CACNA1A: variants seen among roughly 807,000 people sequenced by gnomAD.
The protein encoded by CACNA1A is calcium voltage-gated channel subunit alpha1 A, also known as voltage-dependent P/Q-type calcium channel subunit alpha-1A.
CACNA1A carries 57 observed loss-of-function variants against 262.4 expected under a neutral mutation model. The observed-to-expected ratio is 0.22, with a 90% CI of 0.18 to 0.27. The LOEUF (loss-of-function observed/expected upper bound fraction) is 0.27. CACNA1A is among the 10% of genes least tolerant of loss of function. CACNA1A has a pLI of 1.00. For synonymous variants in CACNA1A, 1,431 were observed against 1,419.3 expected, an observed-to-expected ratio of 1.01 and a Z score of -0.18; for missense variants, 2,526 against 3,562.8, an observed-to-expected ratio of 0.71 and a Z score of 7.41.
intron 6 of CACNA1A, among the ~76,000 whole-genome samples, chr19:13,354,694 C>T (rs1396418667): frequency 1.3e-5 from 2 of 152,106 alleles, no homozygotes; most frequent in African/African-American, 4.8e-5. Context: ...TGTTTAAGTC[C>T]TAACCCCCTG....
At position 13,207,182 on chromosome 19, in the gene CACNA1A, A is replaced by G. The variant is rs1419926644; in HGVS notation, c.*131T>C. 9.9e-7 allele frequency: 1 copy of G among 1,011,110 alleles called. No homozygotes were observed. Among genetic ancestry groups the G allele is most frequent in the Non-Finnish European group, 1.3e-6 (1 of 742,714 alleles). The allele number at this position is 1,011,110 out of a possible 1,614,324, so 62.6% of individuals were successfully genotyped here. The stretch of plus-strand genomic sequence containing the variant: ...TGTGGCCCAGCCCTGGCCTCTCCAG[A>G]GTCTGGGGTCTCCCGGCTGGCCCTC... On this transcript the variant is annotated 3_prime_UTR_variant, in exon 47 of 47. Coordinates refer to ENST00000360228, the MANE Select transcript of CACNA1A (RefSeq NM_001127222.2). The surrounding 1 kb of genome is among the most constrained non-coding windows in gnomAD (Gnocchi z 5.7).
intron 3 of CACNA1A, among the ~76,000 whole-genome samples, chr19:13,430,541 CA>C (rs749067392): frequency 2.0e-5 from 3 of 152,138 alleles, no homozygotes; most frequent in African/African-American, 4.8e-5. Context: ...AGCACATGGA[CA>C]GGGGGTGAGG....
chr19:13,299,080 C>T lies in CACNA1A; in HGVS notation c.2553G>A (p.Gln851=), dbSNP rs1222649321. The stretch of plus-strand genomic sequence containing the variant: ...TCCTGAGGAAGTCCTCGGCGCGCTG[C>T]TGGCCGAGGCGCTGGTCCACGGTGG... ...AEPTVDQRLG[Q]QRAEDFLRKQ... The change falls in exon 19 of 47, where the codon CAG becomes CAA. Residue 851 remains glutamine, a synonymous_variant. Transcript: ENST00000360228. The T allele has an allele frequency of 6.2e-7, 1 of 1,610,114 alleles. No homozygotes were observed. The highest frequency in any genetic ancestry group is 8.5e-7 in the Non-Finnish European group (1 of 1,179,404).
chr19:13,286,675 G>T lies in CACNA1A; in HGVS notation c.3381C>A (p.Asn1127Lys). The T allele has an allele frequency of 6.4e-7, 1 of 1,567,224 alleles. No homozygotes were observed. The change falls in exon 20 of 47, where the codon AAC becomes AAA. Residue 1127 changes from asparagine to lysine, a missense_variant. Coordinates refer to ENST00000360228, the MANE Select transcript of CACNA1A (RefSeq NM_001127222.2). ...GGCCGGGATTGGATGGGTTCCCCGG[G>T]TTGTTGGGCGTCCGGCGGCTGGCGG... is the stretch of plus-strand genomic sequence containing the variant. ...QNAASRRTPNNPGNPSNPGPP... is the reference protein window; with the variant it reads ...QNAASRRTPNKPGNPSNPGPP...
chr19:13,483,562 G>A (rs929823538), intron 1 of CACNA1A, among the ~76,000 whole-genome samples: 1 of 152,140 alleles, frequency 6.6e-6, no homozygotes, highest in African/African-American at 2.4e-5. Context: ...GAAAGCATTT[G>A]CTGAAAATTC....
rs760553643 is a variant in CACNA1A at position 13,235,053 on chromosome 19, TGA to T, written c.5134-19_5134-18del. On this transcript the variant is annotated intron_variant, in intron 33 of 46. Transcript: ENST00000360228. ...ACCAAACACCTGTGGAATTGGAGGG[TGA>T]CGACCAGGGGCTGCCATTCCTCCAG... 2 of 1,590,450 alleles carry T rather than the reference TGA, an allele frequency of 1.3e-6. No individual in the cohort carries two copies. Among genetic ancestry groups the T allele is most frequent in the East Asian group, 4.5e-5 (2 of 44,738 alleles).
chr19:13,308,627 C>T lies in CACNA1A; in HGVS notation c.1669-99G>A. On this transcript the variant is annotated intron_variant, in intron 12 of 46. Coordinates refer to ENST00000360228, the MANE Select transcript of CACNA1A (RefSeq NM_001127222.2). This position sits in a 1 kb window ranked among gnomAD's most constrained non-coding sequence, Gnocchi z 4.2. ...CCAACCTTGCAAGAACTCAACCAAA[C>T]TCCTCCCTCCAAATGGAAGCCGGGT... 3.0e-6 allele frequency: 2 copies of T among 668,626 alleles called. No homozygotes were observed. The highest frequency in any genetic ancestry group is 5.4e-5 in the East Asian group (2 of 36,698). The allele number at this position is 668,626 out of a possible 1,614,324, so 41.4% of individuals were successfully genotyped here. A position where few individuals can be genotyped will look rare whatever the true frequency, so the allele number is the denominator to read the frequency against.
chr19:13,460,248 T>C (rs1469299833), intron 1 of CACNA1A, among the ~76,000 whole-genome samples: 1 of 152,150 alleles, frequency 6.6e-6, no homozygotes, highest in Non-Finnish European at 1.5e-5. Flanking sequence ...GGGATTTGTG[T>C]GCACCGGGAA....
At chr19:13,231,421 A>C (rs2055662701) in intron 35 of CACNA1A, among the ~76,000 whole-genome samples, 1 of 151,838 alleles carries the variant, frequency 6.6e-6, no homozygotes, top group Non-Finnish European at 1.5e-5. Flanking sequence ...TTTGGTTGTC[A>C]CAACAGGAGG....
intron 23 of CACNA1A, among the ~76,000 whole-genome samples, chr19:13,276,372 C>G (rs541923467): frequency 2.0e-5 from 3 of 152,236 alleles, no homozygotes; most frequent in African/African-American, 7.2e-5. Flanking sequence ...ATCACCTGCT[C>G]ACAGGTCCTC....
intron 1 of CACNA1A, among the ~76,000 whole-genome samples, chr19:13,487,052 G>A (rs1200383228): frequency 2.6e-5 from 4 of 152,198 alleles, no homozygotes; most frequent in African/African-American, 9.7e-5. Flanking sequence ...TCAGTGGCAC[G>A]GACGCCTGCC....
chr19:13,283,691 C>T (rs993123597), intron 21 of CACNA1A: 4 of 267,604 alleles, frequency 1.5e-5, no homozygotes, highest in Admixed American at 9.5e-5. Flanking sequence ...TGAAGAAATA[C>T]GGTCCTTAAT....
At position 13,235,254 on chromosome 19, in the gene CACNA1A, C is replaced by T. The variant is rs767743815; in HGVS notation, c.5088G>A (p.Leu1696=). ...AGATGAAGAAGAGCATGGCGATCAG[C>T]AGACAGACATAAGGCAGGGCCTGGT... ...QSFKALPYVC[L]LIAMLFFIYA... Residue 1696 remains leucine (L), a synonymous_variant, in exon 33 of 47, where the codon CTG becomes CTA. Coordinates refer to ENST00000360228, the MANE Select transcript of CACNA1A (RefSeq NM_001127222.2). 1.3e-5 allele frequency: 21 copies of T among 1,598,328 alleles called. No homozygotes were observed. The highest frequency in any genetic ancestry group is 1.7e-5 in the Non-Finnish European group (20 of 1,172,596).
chr19:13,497,520 AAATATATATATATATATATATATAT>A (rs1981781071), intron 1 of CACNA1A, among the ~76,000 whole-genome samples: 6 of 15,490 alleles, frequency 3.9e-4, no homozygotes, highest in Non-Finnish European at 4.3e-4. Flanking sequence ...AAAAAAAAAA[AAATATATATATATATATATATATAT>A]ATATATATAT....
intron 5 of CACNA1A, among the ~76,000 whole-genome samples, chr19:13,360,494 T>C (rs1202616419): frequency 4.0e-5 from 5 of 123,936 alleles, no homozygotes; most frequent in African/African-American, 1.7e-4. Flanking sequence ...TTTTTTTTTT[T>C]TGAGACGGAG....
intron 3 of CACNA1A, among the ~76,000 whole-genome samples, chr19:13,383,184 G>A (rs1260566431): frequency 1.3e-5 from 2 of 152,200 alleles, no homozygotes; most frequent in African/African-American, 4.8e-5. Flanking sequence ...ATGCTACCAA[G>A]GACAAAGCAA....
At chr19:13,209,540 G>A in intron 44 of CACNA1A, 42 bp from the exon 45 acceptor site, 4 of 1,258,574 alleles carry the variant, frequency 3.2e-6, no homozygotes, top group Non-Finnish European at 4.0e-6. Context: ...TCAGCAGCTA[G>A]CACCAAGTGG....
chr19:13,351,787 C>T (rs1029497145), intron 6 of CACNA1A, among the ~76,000 whole-genome samples: 3 of 151,924 alleles, frequency 2.0e-5, no homozygotes, highest in East Asian at 1.9e-4. Context: ...GGATTACAGG[C>T]GTGAGCCACC....
At chr19:13,468,821 G>A (rs1201650725) in intron 1 of CACNA1A, among the ~76,000 whole-genome samples, 2 of 152,012 alleles carry the variant, frequency 1.3e-5, no homozygotes, top group Non-Finnish European at 2.9e-5. Flanking sequence ...CCTTTAACCT[G>A]GAAATTCCCT....
Sources: gnomAD v4.1 joint callset for allele counts (sites outside exome capture counted in the v4.1 genomes callset) on GRCh38, gnomAD v4.1.1 for gene constraint, Gnocchi (gnomAD v3.1) non-coding constraint, MANE v1.5 for transcripts, NCBI Gene and HGNC (gene_info 2026-07-23, HGNC 2026-07-21) for gene names.